The following CES1 variants were observed in gnomAD, a reference collection of about 807,000 sequenced individuals.
The protein encoded by CES1 is carboxylesterase 1, also known as liver carboxylesterase 1.
CES1 carries 50 observed loss-of-function variants against 53.0 expected under a neutral mutation model. The ratio of observed to expected loss-of-function variants is 0.94; its 90% CI spans 0.75 to 1.19. The LOEUF is 1.19. Ranked by LOEUF, CES1 falls within the 50% of genes most tolerant of loss-of-function variation. The pLI is 0.00. For synonymous variants in CES1, 202 were observed against 210.1 expected (o/e 0.96, Z 0.33); for missense variants, 534 against 538.0 (o/e 0.99, Z 0.07).
At chr16:55,814,588 G>A (rs1429805321) in intron 8 of CES1, among the ~76,000 whole-genome samples, 2 of 152,250 alleles carry the variant, frequency 1.3e-5, no homozygotes, top group African/African-American at 4.8e-5. Flanking sequence ...TGGAAAGGCT[G>A]AATAACTGTT....
intron 8 of CES1, 128 bp from the exon 9 acceptor site, chr16:55,813,171 C>G (rs1471043024): frequency 3.0e-6 from 4 of 1,318,394 alleles, no homozygotes; most frequent in Non-Finnish European, 4.3e-6. Context: ...TGCACATGCT[C>G]AGGATCCTAA....
chr16:55,828,881 G>T lies in CES1; in HGVS notation c.146C>A (p.Ala49Asp), dbSNP rs1470719198. Residue 49 changes from alanine (A) to aspartate (D), a missense_variant, in exon 2 of 14, where the codon GCC becomes GAC. By Grantham distance (126) the Ala-to-Asp change is moderately radical. This residue lies in a region of CES1 where 164 missense variants were observed against 162.4 expected (regional missense o/e 1.01). Transcript: ENST00000360526. ...GGCAAAAGGGATTCCCAGGAAAATG[G>T]CCACAGGCTGTGCAAATCCTTCTAA... ...VSLEGFAQPVAIFLGIPFAKP... is the reference protein window; with the variant it reads ...VSLEGFAQPVDIFLGIPFAKP... 10 of 1,614,114 alleles carry T rather than the reference G, an allele frequency of 6.2e-6. No individual in the cohort carries two copies. The Middle Eastern group carries it at 4.9e-4, about 80-fold the overall frequency.
At chr16:55,808,235 T>C (rs1185158098) in intron 11 of CES1, among the ~76,000 whole-genome samples, 5 of 145,330 alleles carry the variant, frequency 3.4e-5, no homozygotes, top group African/African-American at 1.1e-4. Context: ...ATAGAACTTA[T>C]TATAGGCAGC....
intron 11 of CES1, among the ~76,000 whole-genome samples, chr16:55,808,529 A>T (rs1244301534): frequency 2.6e-5 from 4 of 152,222 alleles, no homozygotes; most frequent in Non-Finnish European, 5.9e-5. Flanking sequence ...AGAATTAAGA[A>T]ATCCACATTC....
At chr16:55,815,358 G>T (rs1464946908) in intron 8 of CES1, among the ~76,000 whole-genome samples, 1 of 152,186 alleles carries the variant, frequency 6.6e-6, no homozygotes, top group Non-Finnish European at 1.5e-5. Flanking sequence ...GTTAAGGAAG[G>T]CCAGTCTGGC....
intron 4 of CES1, among the ~76,000 whole-genome samples, chr16:55,822,270 T>C (rs1457648409): frequency 6.6e-6 from 1 of 152,230 alleles, no homozygotes; most frequent in Non-Finnish European, 1.5e-5. Flanking sequence ...CTCAGCTTTA[T>C]ATAAAAGTGG....
intron 11 of CES1, among the ~76,000 whole-genome samples, chr16:55,808,042 G>A (rs1172614946): frequency 1.2e-4 from 3 of 24,600 alleles, no homozygotes; most frequent in East Asian, 1.2e-3. Flanking sequence ...CTGCACCCTC[G>A]GCTCAGCAGG....
chr16:55,821,280 G>T, intron 5 of CES1, 88 bp downstream of exon 5: 1 of 1,497,614 alleles, frequency 6.7e-7, no homozygotes, highest in Non-Finnish European at 9.3e-7. Flanking sequence ...GTAATCAGAG[G>T]TATCCATAGC....
In CES1 at chr16:55,826,170, G is replaced by A. The variant is rs537356635; in HGVS notation, c.386C>T (p.Thr129Ile). The change falls in exon 3 of 14, where the codon ACC becomes ATC. Residue 129 changes from threonine (T) to isoleucine (I), a missense_variant. Physicochemically the swap from Thr to Ile is moderately conservative, Grantham distance 89 (BLOSUM62 -1). Transcript: ENST00000360526. ...ACTTACCGGCAGCCTGTTTTTCTTGGTCAAGTCAGCAGGAGTGTAAATATT... is the reference window on the plus strand; with the variant it reads ...ACTTACCGGCAGCCTGTTTTTCTTGATCAAGTCAGCAGGAGTGTAAATATT... ...YLNIYTPADL[T>I]KKNRLPVMVW... 1.1e-5 allele frequency: 18 copies of A among 1,613,962 alleles called. 1 individual carries two copies. In the African/African-American group the frequency reaches 1.9e-4, roughly 17 times the overall value.
chr16:55,808,260 G>C (rs1470318916), intron 11 of CES1, among the ~76,000 whole-genome samples: 33 of 147,904 alleles, frequency 2.2e-4, no homozygotes, highest in Non-Finnish European at 1.5e-4. Flanking sequence ...TGCCCAAAAC[G>C]TACTTTGTAA....
At chr16:55,826,989 G>A (rs1484892936) in intron 2 of CES1, among the ~76,000 whole-genome samples, 2 of 152,160 alleles carry the variant, frequency 1.3e-5, no homozygotes, top group Non-Finnish European at 2.9e-5. Context: ...CCATTTTACA[G>A]ATGAGAAAAC....
rs746914825 is a variant in CES1 at position 55,820,427 on chromosome 16, C to T, written c.746G>A (p.Gly249Asp). The change falls in exon 6 of 14, where the codon GGC becomes GAC. Residue 249 changes from glycine (G) to aspartate (D), a missense_variant. By Grantham distance (94) the Gly-to-Asp change is moderately conservative. Around this residue, in one of 5 missense-constraint regions of CES1, gnomAD observed 12 missense variants for 37.2 expected, o/e 0.32. Transcript: ENST00000360526. ...CACCAGAACAGAAGTGAGGGCCACG[C>T]CACTCTCAGAAATGGCCCGGTGGAA... ...NLFHRAISESGVALTSVLVKK... is the reference protein window; with the variant it reads ...NLFHRAISESDVALTSVLVKK... 20 of 1,603,340 alleles carry T rather than the reference C, an allele frequency of 1.2e-5. No individual in the cohort carries two copies. In the Admixed American group the frequency reaches 3.4e-4, roughly 27 times the overall value.
intron 6 of CES1, chr16:55,819,914 A>C: frequency 1.7e-6 from 1 of 583,160 alleles, no homozygotes; most frequent in South Asian, 1.9e-5. Flanking sequence ...GTGTCAAGAA[A>C]TGTGAGGTGG....
At chr16:55,813,998 A>C (rs564425729) in intron 8 of CES1, among the ~76,000 whole-genome samples, 1 of 152,316 alleles carries the variant, frequency 6.6e-6, no homozygotes, top group Non-Finnish European at 1.5e-5. Flanking sequence ...ACCAGTATTG[A>C]TTTGGGGGTT....
intron 2 of CES1, among the ~76,000 whole-genome samples, chr16:55,827,461 G>GCCAA (rs1198011926): frequency 1.3e-5 from 2 of 152,036 alleles, no homozygotes; most frequent in Admixed American, 6.6e-5. Context: ...CCAAGAGTCT[G>GCCAA]CCAAATGGAG....
intron 11 of CES1, among the ~76,000 whole-genome samples, chr16:55,808,066 A>T (rs2142308674): frequency 2.8e-5 from 1 of 36,130 alleles, no homozygotes; most frequent in East Asian, 4.7e-4. Context: ...CGCACCTGGG[A>T]AGATGCCATC....
At chr16:55,814,923 G>A (rs1221958637) in intron 8 of CES1, among the ~76,000 whole-genome samples, 1 of 152,236 alleles carries the variant, frequency 6.6e-6, no homozygotes, top group African/African-American at 2.4e-5. Flanking sequence ...TCCTTAAGAG[G>A]CTGTGCAGTT....
chr16:55,808,972 G>A (rs2031558056), intron 11 of CES1, among the ~76,000 whole-genome samples: 1 of 150,862 alleles, frequency 6.6e-6, no homozygotes, highest in Non-Finnish European at 1.5e-5. Flanking sequence ...TTCTTTTTGT[G>A]TTTCCATATT....
intron 8 of CES1, among the ~76,000 whole-genome samples, chr16:55,814,823 T>C (rs2031862886): frequency 6.6e-6 from 1 of 152,248 alleles, no homozygotes; most frequent in Admixed American, 6.5e-5. Flanking sequence ...GGAGATGTTC[T>C]GAAAAGTGGA....
Sources: gnomAD v4.1 joint callset for allele counts (sites outside exome capture counted in the v4.1 genomes callset) on GRCh38, gnomAD v4.1.1 for gene constraint, gnomAD v4.1.1 regional missense constraint, MANE v1.5 for transcripts, NCBI Gene and HGNC (gene_info 2026-07-23, HGNC 2026-07-21) for gene names.